ANO1: variants seen among roughly 807,000 people sequenced by gnomAD.
ANO1 encodes the protein anoctamin-1.
Under a neutral mutation model 124.0 loss-of-function variants are expected in ANO1, and 59 were observed. That is an observed-to-expected ratio of 0.48 (90% CI 0.39 to 0.59). The LOEUF (loss-of-function observed/expected upper bound fraction) is 0.59, where lower values mean the gene tolerates loss of function less well. ANO1 is among the 20% of genes least tolerant of loss of function. The pLI is 0.00. For missense variants in ANO1, 1,059 were observed against 1,328.0 expected (o/e 0.80, Z 3.15); for synonymous variants, 529 against 532.0 (o/e 0.99, Z 0.08).
Position 70,155,478 on chromosome 11 carries a change from C to G in ANO1, c.1426-433C>G, listed in dbSNP as rs117655805. On this transcript the variant is annotated intron_variant, in intron 14 of 25. Coordinates refer to ENST00000355303, the MANE Select transcript of ANO1 (RefSeq NM_018043.7). The stretch of plus-strand genomic sequence containing the variant: ...CTCTGCGGTTTTGATTTCCCTCCAG[C>G]TATGGCACTGAATTCATTTATGGAA... Among the ~76,000 whole-genome samples, 678 of 152,338 alleles carry G rather than the reference C, an allele frequency of 4.5e-3. 2 individuals are homozygous for G. The highest frequency in any genetic ancestry group is 8.4e-3 in the Non-Finnish European group (571 of 68,036).
chr11:70,077,105 C>T (rs971251946), upstream of ANO1, among the ~76,000 whole-genome samples: 5 of 152,196 alleles, frequency 3.3e-5, no homozygotes, highest in South Asian at 4.1e-4. Flanking sequence ...GGCACGCTGA[C>T]GACATCGTGG....
intron 1 of ANO1, among the ~76,000 whole-genome samples, chr11:70,067,326 T>G (rs868975100): frequency 0.12 from 17,011 of 136,628 alleles, 1,434 homozygotes; most frequent in Admixed American, 0.18. Flanking sequence ...CGTGGGTGTT[T>G]TTTTTTTTTT....
At chr11:70,137,590 G>A (rs561841199) in intron 11 of ANO1, among the ~76,000 whole-genome samples, 44 of 145,660 alleles carry the variant, frequency 3.0e-4, no homozygotes, top group African/African-American at 9.2e-4. Context: ...TCCACCCAGC[G>A]GGGCCCGGCC....
At chr11:70,132,716 G>A (rs1442325768) in intron 11 of ANO1, among the ~76,000 whole-genome samples, 1 of 152,210 alleles carries the variant, frequency 6.6e-6, no homozygotes, top group Non-Finnish European at 1.5e-5. Context: ...GTTGGTAAGT[G>A]GTGGCTGAAT....
intron 1 of ANO1, among the ~76,000 whole-genome samples, chr11:69,995,314 G>A (rs950420175): frequency 3.9e-5 from 6 of 152,000 alleles, no homozygotes; most frequent in Non-Finnish European, 1.5e-5. Context: ...GGCCAGGCTG[G>A]TCTTGAACTC....
chr11:70,084,446 G>T (rs1408232131), intron 1 of ANO1, among the ~76,000 whole-genome samples: 2 of 152,208 alleles, frequency 1.3e-5, no homozygotes, highest in Admixed American at 1.3e-4. Context: ...GTCCATCCTG[G>T]CACGTTCTGG....
At chr11:70,121,488 C>A (rs2046267635) in intron 8 of ANO1, among the ~76,000 whole-genome samples, 2 of 148,790 alleles carry the variant, frequency 1.3e-5, no homozygotes, top group African/African-American at 5.0e-5. Flanking sequence ...CCATCTCCCC[C>A]ACCTCTCTGT....
chr11:70,166,797 C>T (rs560601027), intron 20 of ANO1, among the ~76,000 whole-genome samples: 10 of 152,280 alleles, frequency 6.6e-5, no homozygotes, highest in South Asian at 2.1e-4. Flanking sequence ...AAGAGATCAT[C>T]GACAAAGAAA....
At chr11:70,059,486 C>T (rs1857522164) in intron 1 of ANO1, among the ~76,000 whole-genome samples, 1 of 152,032 alleles carries the variant, frequency 6.6e-6, no homozygotes, top group South Asian at 2.1e-4. Context: ...AGGCCTTGAC[C>T]CATCCGATGA....
At chr11:70,084,389 G>T (rs1358823667) in intron 1 of ANO1, among the ~76,000 whole-genome samples, 2 of 152,206 alleles carry the variant, frequency 1.3e-5, no homozygotes, top group African/African-American at 4.8e-5. Flanking sequence ...GGCCATCAGG[G>T]TGACGGGGAT....
Position 70,130,845 on chromosome 11 carries a change from G to A in ANO1, c.1098-1074G>A, listed in dbSNP as rs535765649. On this transcript the variant is annotated intron_variant, in intron 10 of 25. Coordinates refer to ENST00000355303, the MANE Select transcript of ANO1 (RefSeq NM_018043.7). ...GGGCAGCTGGGGACCTATTCCTTCC[G>A]GCCCAGCCCCCGTTCTCCCAGAGAA... Among the ~76,000 whole-genome samples the A allele has an allele frequency of 8.5e-5, 13 of 152,294 alleles. No homozygotes were observed. The South Asian group carries it at 2.7e-3, about 32-fold the overall frequency.
intron 1 of ANO1, among the ~76,000 whole-genome samples, chr11:69,987,587 A>G: frequency 6.9e-6 from 1 of 144,836 alleles, no homozygotes; most frequent in South Asian, 2.2e-4. Context: ...CCTGGGTAAC[A>G]GAGCAAGACC....
At chr11:70,038,246 C>T (rs1857126557) in intron 1 of ANO1, among the ~76,000 whole-genome samples, 1 of 152,172 alleles carries the variant, frequency 6.6e-6, no homozygotes, top group Admixed American at 6.5e-5. Flanking sequence ...ATTTGGAAAC[C>T]CTCCTGACCC....
intron 1 of ANO1, among the ~76,000 whole-genome samples, chr11:70,084,958 C>T (rs2044315982): frequency 1.3e-5 from 2 of 152,162 alleles, no homozygotes; most frequent in Admixed American, 6.5e-5. Flanking sequence ...ACTATAGTAA[C>T]CCCCTCATAG....
rs2049221148 is a variant in ANO1, at chr11:70,188,244, A to G, written c.*240A>G. ...TCTGTAGTATTCAAGATGAATCAAA[A>G]TGATGGCTGGTAATACGGCAATAAG... is the stretch of plus-strand genomic sequence containing the variant. On this transcript the variant is annotated 3_prime_UTR_variant, in exon 26 of 26. Coordinates refer to ENST00000355303, the MANE Select transcript of ANO1 (RefSeq NM_018043.7). The G allele has an allele frequency of 1.7e-6, 1 of 572,618 alleles. No individual in the cohort carries two copies. The highest frequency in any genetic ancestry group is 3.3e-5 in the Admixed American group (1 of 30,412). The allele number at this position is 572,618 out of a possible 1,614,324, so 35.5% of individuals were successfully genotyped here. A position where few individuals can be genotyped will look rare whatever the true frequency, so the allele number is the denominator to read the frequency against.
rs549320485 is a variant in ANO1, at chr11:70,121,126, C to T, written c.898-3224C>T. ...AGCCACTGAGGGTGGGTCCCTCCTC[C>T]CCCGGTGCAGAGCTTTGTCCTTTCT... On this transcript the variant is annotated intron_variant, in intron 8 of 25. Transcript: ENST00000355303. Among the ~76,000 whole-genome samples the T allele has an allele frequency of 8.5e-5, 13 of 152,206 alleles. No homozygotes were observed. The South Asian group carries it at 2.7e-3, about 32-fold the overall frequency.
chr11:70,110,336 G>A (rs1267400483), intron 6 of ANO1, among the ~76,000 whole-genome samples: 2 of 152,004 alleles, frequency 1.3e-5, no homozygotes, highest in African/African-American at 2.4e-5. Context: ...ACAGGCGCCC[G>A]CCACCACGCC....
At chr11:70,098,337 C>T (rs2045102498) in intron 2 of ANO1, among the ~76,000 whole-genome samples, 1 of 152,208 alleles carries the variant, frequency 6.6e-6, no homozygotes, top group Non-Finnish European at 1.5e-5. Context: ...CTTTCCCCTG[C>T]ACCCAGTGGC....
intron 1 of ANO1, among the ~76,000 whole-genome samples, chr11:70,006,917 G>A (rs956435865): frequency 2.0e-5 from 3 of 151,964 alleles, no homozygotes; most frequent in Non-Finnish European, 2.9e-5. Flanking sequence ...TGATCCGCCC[G>A]CCTCGGCCTC....
Sources: gnomAD v4.1 joint callset for allele counts (sites outside exome capture counted in the v4.1 genomes callset) on GRCh38, gnomAD v4.1.1 for gene constraint, MANE v1.5 for transcripts, NCBI Gene and HGNC (gene_info 2026-07-23, HGNC 2026-07-21) for gene names.